The following RPP40 variants were observed in gnomAD, a reference collection of about 807,000 sequenced individuals.
The protein encoded by RPP40 is ribonuclease P/MRP subunit p40, also known as ribonuclease P protein subunit p40.
In RPP40, 30 loss-of-function variants were observed where a neutral mutation model predicts 42.5. The ratio of observed to expected loss-of-function variants is 0.71; its 90% CI spans 0.53 to 0.96. The LOEUF (loss-of-function observed/expected upper bound fraction) is 0.96. Among genes scored for constraint, RPP40 ranks in the 40% least tolerant of loss-of-function variants. The pLI, the probability that RPP40 is intolerant of heterozygous loss-of-function variation, is 0.00. For synonymous variants in RPP40, 173 were observed against 164.0 expected, an observed-to-expected ratio of 1.05 and a Z score of -0.42; for missense variants, 426 against 433.5, an observed-to-expected ratio of 0.98 and a Z score of 0.15.
downstream of RPP40, among the ~76,000 whole-genome samples, chr6:4,990,839 C>T (rs1439879503): frequency 6.6e-6 from 1 of 152,036 alleles, no homozygotes; most frequent in African/African-American, 2.4e-5. Flanking sequence ...AGATATAGGG[C>T]TATTCAGATC....
At chr6:5,000,725 G>A (rs749808007) in intron 2 of RPP40, 94 bp from the exon 3 acceptor site, 1 of 801,860 alleles carries the variant, frequency 1.2e-6, no homozygotes, top group Non-Finnish European at 2.1e-6. Context: ...AGTCTTCCGG[G>A]TCATTAAAGG....
downstream of RPP40, among the ~76,000 whole-genome samples, chr6:4,990,821 T>A (rs1015992421): frequency 1.3e-5 from 2 of 152,132 alleles, no homozygotes; most frequent in Admixed American, 6.5e-5. Context: ...AATTTCAACT[T>A]CTTTAACAGA....
the RPP40 span, among the ~76,000 whole-genome samples, chr6:4,988,635 C>G: frequency 1.3e-5 from 2 of 152,072 alleles, no homozygotes; most frequent in African/African-American, 4.8e-5. Context: ...TGAGATCCTT[C>G]CAAGTTATTG....
intron 4 of RPP40, among the ~76,000 whole-genome samples, chr6:4,999,154 GA>G (rs1172725192): frequency 1.7e-4 from 7 of 40,504 alleles, no homozygotes; most frequent in Middle Eastern, 0.018. Context: ...ATTGATGTTC[GA>G]GCCAGACGCT....
At chr6:4,998,403 C>A (rs929054309) in intron 5 of RPP40, among the ~76,000 whole-genome samples, 9 of 152,166 alleles carry the variant, frequency 5.9e-5, no homozygotes, top group African/African-American at 2.2e-4. Flanking sequence ...ATAGTCAAGG[C>A]TGTTCAAGGT....
At chr6:4,990,222 T>C (rs1759243386), downstream of RPP40, among the ~76,000 whole-genome samples, 2 of 152,178 alleles carry the variant, frequency 1.3e-5, no homozygotes, top group Admixed American at 1.3e-4. Context: ...ATGAATTATA[T>C]TGATTGATTT....
chr6:4,997,921 A>G (rs1380275325), intron 5 of RPP40, among the ~76,000 whole-genome samples: 1 of 152,244 alleles, frequency 6.6e-6, no homozygotes, highest in Non-Finnish European at 1.5e-5. Context: ...CAACGTCTGG[A>G]TGATCTGCAT....
chr6:4,995,247 G>T lies in RPP40; in HGVS notation c.923C>A (p.Pro308Gln). 1 of 1,613,750 alleles carries T rather than the reference G, an allele frequency of 6.2e-7. No individual in the cohort carries two copies. The highest frequency in any genetic ancestry group is 2.2e-5 in the East Asian group (1 of 44,880). ...CHYFDEPKLAPWVTLSVQGFA... is the reference protein window; with the variant it reads ...CHYFDEPKLAQWVTLSVQGFA... ...GCCTTGAACGGACAGTGTAACCCAT[G>T]GAGCTAACTTCGGTTCATCAAAGTA... The change falls in exon 8 of 8, where the codon CCA becomes CAA. Residue 308 changes from proline (P) to glutamine (Q), a missense_variant. Pro to Gln is a moderately conservative substitution (Grantham distance 76, BLOSUM62 -1). Transcript: ENST00000380051.
At chr6:4,993,810 G>C (rs934665108), downstream of RPP40, among the ~76,000 whole-genome samples, 1 of 152,090 alleles carries the variant, frequency 6.6e-6, no homozygotes. Context: ...ACAGGGGTTG[G>C]GGGGATGGGT....
intron 2 of RPP40, chr6:5,001,121 A>C (rs1483617709): frequency 4.4e-6 from 2 of 456,632 alleles, no homozygotes; most frequent in Non-Finnish European, 8.8e-6. Flanking sequence ...GAGGGGTCCA[A>C]AGTAGAATTC....
chr6:4,998,964 A>C, intron 4 of RPP40, 123 bp from the exon 5 acceptor site: 2 of 575,744 alleles, frequency 3.5e-6, no homozygotes, highest in Non-Finnish European at 5.5e-6. Flanking sequence ...AAATTATTTT[A>C]TTCTTCTTCC....
chr6:4,997,725 C>T (rs540404218), intron 5 of RPP40, among the ~76,000 whole-genome samples: 1 of 152,304 alleles, frequency 6.6e-6, no homozygotes, highest in East Asian at 1.9e-4. Flanking sequence ...TTGGCTACTA[C>T]CATTCCTCTG....
chr6:4,995,422 G>A, intron 7 of RPP40, 146 bp from the exon 8 acceptor site: 1 of 637,914 alleles, frequency 1.6e-6, no homozygotes. Context: ...CAAGAGGTGT[G>A]TGATAAGTTC....
Position 4,996,024 on chromosome 6 carries a change from C to T in RPP40, c.820G>A (p.Ala274Thr), listed in dbSNP as rs770553679. Reference sequence around the variant, plus strand: ...GTGATTGTACACAAATAAGCTTTTGCCACCACTGTGCTTGGCTCAGGACAG... The same window carrying T: ...GTGATTGTACACAAATAAGCTTTTGTCACCACTGTGCTTGGCTCAGGACAG... The part of the protein sequence containing the change: ...YCCPEPSTVV[A>T]KAYLCTITGF... Residue 274 changes from alanine (A) to threonine (T), a missense_variant, in exon 7 of 8, where the codon GCA becomes ACA. Coordinates refer to ENST00000380051, the MANE Select transcript of RPP40 (RefSeq NM_006638.4). 3.1e-6 allele frequency: 5 copies of T among 1,613,980 alleles called. No homozygotes were observed. The highest frequency in any genetic ancestry group is 2.5e-6 in the Non-Finnish European group (3 of 1,179,864).
chr6:4,997,522 A>G (rs1261058846), intron 5 of RPP40, among the ~76,000 whole-genome samples: 1 of 152,202 alleles, frequency 6.6e-6, no homozygotes, highest in Non-Finnish European at 1.5e-5. Flanking sequence ...CCTGATTCTC[A>G]GGCCTTCATA....
At chr6:4,996,139 G>A (rs762618236) in intron 6 of RPP40, 54 bp from the exon 7 acceptor site, 1 of 1,607,976 alleles carries the variant, frequency 6.2e-7, no homozygotes, top group Non-Finnish European at 8.5e-7. Context: ...TCCATCACAT[G>A]ATCACTTCCA....
chr6:5,002,321 A>G (rs1034604529), intron 1 of RPP40, 76 bp from the exon 2 acceptor site: 6 of 1,281,314 alleles, frequency 4.7e-6, no homozygotes, highest in Middle Eastern at 2.7e-4. Flanking sequence ...ATGAAACAAA[A>G]TCATGAAAGT....
rs760492957 is a variant in RPP40 at position 4,995,079 on chromosome 6, T to TATG, written c.1088_1090dup (p.Pro363_Ter364insSer). The TATG allele has an allele frequency of 2.5e-5, 40 of 1,601,726 alleles. No individual in the cohort carries two copies. The highest frequency in any genetic ancestry group is 3.4e-5 in the Non-Finnish European group (40 of 1,175,812). On this transcript the variant is annotated inframe_insertion, in exon 8 of 8. Coordinates refer to ENST00000380051, the MANE Select transcript of RPP40 (RefSeq NM_006638.4). ...AACACGATTTTTAATTTTTATTTTT[T>TATG]ATGGTGGACAGTGATCATTTGCCCC... is the stretch of plus-strand genomic sequence containing the variant.
intron 7 of RPP40, among the ~76,000 whole-genome samples, chr6:4,995,574 C>G (rs728151): frequency 0.55 from 84,171 of 151,984 alleles, 23,881 homozygotes; most frequent in East Asian, 0.83. Context: ...TTTAAGGATC[C>G]TTTCCCTCCT....
Sources: allele counts gnomAD v4.1 joint callset (sites outside exome capture counted in the v4.1 genomes callset), GRCh38; gene constraint gnomAD v4.1.1; transcripts MANE v1.5; gene names NCBI Gene and HGNC (gene_info 2026-07-23, HGNC 2026-07-21).